ALDH1L1: variants seen among roughly 807,000 people sequenced by gnomAD.
The protein encoded by ALDH1L1 is aldehyde dehydrogenase 1 family member L1.
In ALDH1L1, 68 loss-of-function variants were observed where a neutral mutation model predicts 101.1. The observed-to-expected ratio is 0.67, with a 90% confidence interval of 0.55 to 0.82. ALDH1L1 has a LOEUF of 0.82. Among genes scored for constraint, ALDH1L1 ranks in the 40% least tolerant of loss-of-function variants. The pLI, the probability that ALDH1L1 is intolerant of heterozygous loss-of-function variation, is 0.00. For synonymous variants in ALDH1L1, 486 were observed against 470.8 expected (o/e 1.03, Z -0.42); for missense variants, 1,087 against 1,172.7 (o/e 0.93, Z 1.07).
intron 1 of ALDH1L1, among the ~76,000 whole-genome samples, chr3:126,170,878 G>T (rs921752749): frequency 3.3e-5 from 5 of 152,170 alleles, no homozygotes; most frequent in African/African-American, 1.2e-4. Context: ...GGGAGGTGGG[G>T]GGAAAGTATC....
chr3:126,173,965 A>G (rs2081327757), intron 1 of ALDH1L1, among the ~76,000 whole-genome samples: 1 of 152,248 alleles, frequency 6.6e-6, no homozygotes. Flanking sequence ...AAAAACTGAC[A>G]GAATTTTAAG....
At chr3:126,129,977 T>G in intron 14 of ALDH1L1, 1 of 342,254 alleles carries the variant, frequency 2.9e-6, no homozygotes, top group Non-Finnish European at 5.3e-6. Flanking sequence ...TTTTGGACAT[T>G]TTTTGGGTTT....
rs556434192 is a variant in ALDH1L1, at chr3:126,170,466, G to T, written c.-23-9464C>A. 8.2e-5 allele frequency among the ~76,000 whole-genome samples: 12 copies of T among 147,072 alleles called. No individual in the cohort carries two copies. In the South Asian group the frequency reaches 2.0e-3, roughly 24 times the overall value. On this transcript the variant is annotated intron_variant, in intron 1 of 22. Transcript: ENST00000393434. ...AAAGTTACTTCTGTCTCAACCAGTC[G>T]GGCCTAATAAAAAATGCTGCTGAAA... is the stretch of plus-strand genomic sequence containing the variant.
intron 17 of ALDH1L1, 149 bp from the exon 18 acceptor site, chr3:126,114,805 C>G (rs766848095): frequency 1.8e-5 from 13 of 723,716 alleles, no homozygotes; most frequent in African/African-American, 1.4e-4. Flanking sequence ...CCCCCCACCC[C>G]TTGCGGCTTC....
rs949844978 is a variant in ALDH1L1 at position 126,161,012 on chromosome 3, G to A, written c.-23-10C>T. 4 of 1,613,606 alleles carry A rather than the reference G, an allele frequency of 2.5e-6. No homozygotes were observed. In the Admixed American group the frequency reaches 6.7e-5, roughly 27 times the overall value. On this transcript the variant is annotated splice_polypyrimidine_tract_variant and intron_variant, in intron 1 of 22. Coordinates refer to ENST00000393434, the MANE Select transcript of ALDH1L1 (RefSeq NM_012190.4). ...GGAGGGTTGGAAGGACCTGGAGAAG[G>A]AATAAGGCAGCAATTAGACAGAGAT...
intron 16 of ALDH1L1, among the ~76,000 whole-genome samples, chr3:126,122,093 G>A (rs1194115913): frequency 6.6e-6 from 1 of 152,186 alleles, no homozygotes; most frequent in African/African-American, 2.4e-5. Flanking sequence ...TAGCAATACT[G>A]TGTTTCAAAA....
intron 6 of ALDH1L1, 87 bp downstream of exon 6, chr3:126,154,467 C>G: frequency 7.4e-7 from 1 of 1,355,056 alleles, no homozygotes; most frequent in Non-Finnish European, 1.0e-6. Context: ...ATTTATTATA[C>G]CAACCAGTTC....
At chr3:126,180,363 G>T (rs1162223986) in intron 1 of ALDH1L1, 113 bp downstream of exon 1, 9 of 809,748 alleles carry the variant, frequency 1.1e-5, no homozygotes, top group Non-Finnish European at 1.3e-5. Context: ...AGGAGCCCTT[G>T]CGGTGAGAAC....
At chr3:126,157,322 C>T (rs747952045) in intron 4 of ALDH1L1, 21 bp downstream of exon 4, 26 of 1,598,966 alleles carry the variant, frequency 1.6e-5, no homozygotes, top group East Asian at 4.5e-5. Context: ...GGGCAGGGCG[C>T]GGCCGGCTCC....
At chr3:126,132,288 G>A (rs1415714791) in intron 12 of ALDH1L1, among the ~76,000 whole-genome samples, 5 of 152,194 alleles carry the variant, frequency 3.3e-5, no homozygotes, top group Non-Finnish European at 5.9e-5. Flanking sequence ...ACCAAAGCCT[G>A]CCAGCCGTTT....
intron 1 of ALDH1L1, among the ~76,000 whole-genome samples, chr3:126,173,873 T>A (rs1176071838): frequency 6.6e-6 from 1 of 152,208 alleles, no homozygotes; most frequent in African/African-American, 2.4e-5. Flanking sequence ...CACTACATAA[T>A]GGTAAAGGAG....
chr3:126,104,050 C>G (rs1945772538), intron 22 of ALDH1L1: 4 of 603,524 alleles, frequency 6.6e-6, no homozygotes, highest in Non-Finnish European at 1.2e-5. Flanking sequence ...CCCCAGAATA[C>G]AAAGCCAATC....
intron 16 of ALDH1L1, among the ~76,000 whole-genome samples, chr3:126,123,809 A>G (rs903449262): frequency 2.0e-5 from 3 of 152,140 alleles, no homozygotes; most frequent in Non-Finnish European, 2.9e-5. Flanking sequence ...CAATTTAATC[A>G]ACTTAAAAAG....
At chr3:126,130,980 A>T (rs2080288454) in intron 13 of ALDH1L1, among the ~76,000 whole-genome samples, 1 of 152,236 alleles carries the variant, frequency 6.6e-6, no homozygotes, top group South Asian at 2.1e-4. Flanking sequence ...TGTCACAGGG[A>T]TCCCAAGCCC....
At position 126,130,053 on chromosome 3, in the gene ALDH1L1, C is replaced by G. The variant is rs900827449; in HGVS notation, c.1694+170G>C. 13 of 552,432 alleles carry G rather than the reference C, an allele frequency of 2.4e-5. No individual in the cohort carries two copies. The African/African-American group carries it at 2.5e-4, about 11-fold the overall frequency. The allele number at this position is 552,432 out of a possible 1,614,324, so 34.2% of individuals were successfully genotyped here. On this transcript the variant is annotated intron_variant, in intron 14 of 22. Transcript: ENST00000393434. ...CTGGGAGATTAAATACAATTGTCCT[C>G]AAGTCCTTACAACAATGCCTGGCAT...
Position 126,146,250 on chromosome 3 carries a change from GCAATGAACA to G in ALDH1L1, c.1076+576_1076+584del, listed in dbSNP as rs1206655886. ...TGTGACTCATTTTGGCCAACAGAATGCAATGAACACAACGTGCTCACTCTGAGACCCCCT... is the reference window on the plus strand; with the variant it reads ...TGTGACTCATTTTGGCCAACAGAATGCAACGTGCTCACTCTGAGACCCCCT... On this transcript the variant is annotated intron_variant, in intron 9 of 22. Transcript: ENST00000393434. Among the ~76,000 whole-genome samples, 3 of 152,126 alleles carry G rather than the reference GCAATGAACA, an allele frequency of 2.0e-5. No individual in the cohort carries two copies. In the East Asian group the frequency reaches 5.8e-4, roughly 29 times the overall value.
chr3:126,141,541 T>C (rs975069310), intron 9 of ALDH1L1, among the ~76,000 whole-genome samples: 3 of 151,996 alleles, frequency 2.0e-5, no homozygotes, highest in African/African-American at 7.2e-5. Context: ...TAGAAATCGA[T>C]AACAGAAAGA....
At position 126,110,317 on chromosome 3, in the gene ALDH1L1, G is replaced by A. The variant is rs1946038325; in HGVS notation, c.2182-208C>T. On this transcript the variant is annotated intron_variant, in intron 19 of 22. Transcript: ENST00000393434. ...GTGTAGAGGGACAGAAGTCTCCAAG[G>A]AGACAGGAGCCCAGCAACATATGGG... 4 of 628,436 alleles carry A rather than the reference G, an allele frequency of 6.4e-6. No homozygotes were observed. The Middle Eastern group carries it at 1.3e-3, about 207-fold the overall frequency. The allele number at this position is 628,436 out of a possible 1,614,324, so 38.9% of individuals were successfully genotyped here.
intron 1 of ALDH1L1, among the ~76,000 whole-genome samples, chr3:126,194,827 T>C (rs1050856501): frequency 2.0e-5 from 3 of 152,178 alleles, no homozygotes; most frequent in African/African-American, 7.2e-5. Flanking sequence ...ATACCTTGCA[T>C]GTAAAACTAT....
Sources: allele counts gnomAD v4.1 joint callset (sites outside exome capture counted in the v4.1 genomes callset), GRCh38; gene constraint gnomAD v4.1.1; transcripts MANE v1.5; gene names NCBI Gene and HGNC (gene_info 2026-07-23, HGNC 2026-07-21).